STAT3: variants seen among roughly 807,000 people sequenced by gnomAD.
The protein encoded by STAT3 is signal transducer and activator of transcription 3.
Under a neutral mutation model 114.3 loss-of-function variants are expected in STAT3, and 7 were observed. The ratio of observed to expected loss-of-function variants is 0.06; its 90% CI spans 0.03 to 0.11. STAT3 has a LOEUF of 0.11. Ranked by LOEUF, STAT3 falls within the 10% of genes least tolerant of loss-of-function variation. The pLI is 1.00. For missense variants in STAT3, 364 were observed against 960.9 expected, an observed-to-expected ratio of 0.38 and a Z score of 8.21; for synonymous variants, 331 against 354.5, an observed-to-expected ratio of 0.93 and a Z score of 0.74.
chr17:42,351,978 G>A (rs1427418056), intron 1 of STAT3, among the ~76,000 whole-genome samples: 2 of 151,072 alleles, frequency 1.3e-5, no homozygotes, highest in Non-Finnish European at 2.9e-5. Context: ...TGCCTAGGCT[G>A]GTCTTGAACT....
At position 42,315,085 on chromosome 17, in the gene STAT3, C is replaced by T. The variant is rs897680334; in HGVS notation, c.*660G>A. 2 of 187,808 alleles carry T rather than the reference C, an allele frequency of 1.1e-5. No individual in the cohort carries two copies. The highest frequency in any genetic ancestry group is 2.2e-5 in the Non-Finnish European group (2 of 89,244). 11.6% of individuals were successfully genotyped at this position (187,808 alleles called of 1,614,324 possible). On this transcript the variant is annotated 3_prime_UTR_variant, in exon 24 of 24. Coordinates refer to ENST00000264657, the MANE Select transcript of STAT3 (RefSeq NM_139276.3). ...CCGTGTTAGCCAGGATGGTCTTGATCTCCTGACCTTATGATCCGCCTCGGC... is the reference window on the plus strand; with the variant it reads ...CCGTGTTAGCCAGGATGGTCTTGATTTCCTGACCTTATGATCCGCCTCGGC...
In STAT3 at chr17:42,322,269, G is replaced by T; in HGVS notation, c.2101+13C>A. Reference sequence around the variant, plus strand: ...CCAAAAATTAAATGCCAGGAACATGGAAAATCAACAACTACCTGGGTCAGC... The same window carrying T: ...CCAAAAATTAAATGCCAGGAACATGTAAAATCAACAACTACCTGGGTCAGC... On this transcript the variant is annotated intron_variant, in intron 21 of 23. Coordinates refer to ENST00000264657, the MANE Select transcript of STAT3 (RefSeq NM_139276.3). The T allele has an allele frequency of 6.2e-7, 1 of 1,614,140 alleles. No individual in the cohort carries two copies. Among genetic ancestry groups the T allele is most frequent in the Non-Finnish European group, 8.5e-7 (1 of 1,180,006 alleles).
chr17:42,331,317 G>A lies in STAT3; in HGVS notation c.1109+155C>T, dbSNP rs532942865. Among the ~76,000 whole-genome samples, 57 of 152,282 alleles carry A rather than the reference G, an allele frequency of 3.7e-4. 2 individuals are homozygous for A. In the South Asian group the frequency reaches 9.3e-3, roughly 25 times the overall value. On this transcript the variant is annotated intron_variant, in intron 11 of 23. Coordinates refer to ENST00000264657, the MANE Select transcript of STAT3 (RefSeq NM_139276.3). ...CAGCTTTGTGGCTTTGTTCAGACAC[G>A]TAAATGACAATGCACCCCAAGGCTT...
rs748853959 is a variant in STAT3 at position 42,337,282 on chromosome 17, G to A, written c.797+153C>T. Among the ~76,000 whole-genome samples the A allele has an allele frequency of 5.3e-5, 8 of 152,084 alleles. No homozygotes were observed. Among genetic ancestry groups the A allele is most frequent in the Admixed American group, 1.3e-4 (2 of 15,242 alleles). Reference sequence around the variant, plus strand: ...CAGGTGTGAGCCACAGCGCCTGGCCGAAATAAAGTAAAAACTTTAATTCTT... The same window carrying A: ...CAGGTGTGAGCCACAGCGCCTGGCCAAAATAAAGTAAAAACTTTAATTCTT... On this transcript the variant is annotated intron_variant, in intron 8 of 23. Coordinates refer to ENST00000264657, the MANE Select transcript of STAT3 (RefSeq NM_139276.3). The surrounding 1 kb of genome is among the most constrained non-coding windows in gnomAD (Gnocchi z 4.0).
chr17:42,323,657 T>G, intron 17 of STAT3, 32 bp from the exon 18 acceptor site: 1 of 1,609,378 alleles, frequency 6.2e-7, no homozygotes, highest in East Asian at 2.2e-5. Flanking sequence ...AAGTAGTACA[T>G]TTTCAGCTTG....
At chr17:42,341,048 A>G (rs769623123) in intron 4 of STAT3, among the ~76,000 whole-genome samples, 4 of 152,124 alleles carry the variant, frequency 2.6e-5, no homozygotes, top group African/African-American at 9.7e-5. Context: ...GAAAGCCCCT[A>G]TGGTTACCAG....
chr17:42,320,217 G>T (rs1274491647), intron 21 of STAT3, among the ~76,000 whole-genome samples: 1 of 152,158 alleles, frequency 6.6e-6, no homozygotes, highest in Non-Finnish European at 1.5e-5. Context: ...GCAGGAACAA[G>T]ACTCAGGACC....
At chr17:42,319,763 G>A (rs926465121) in intron 21 of STAT3, among the ~76,000 whole-genome samples, 2 of 152,036 alleles carry the variant, frequency 1.3e-5, no homozygotes, top group Admixed American at 1.3e-4. Flanking sequence ...TCTTGTGATG[G>A]AAATAGAGAG....
At chr17:42,387,427 A>T (rs147824254) in intron 1 of STAT3, 17 of 152,282 alleles carry the variant, frequency 1.1e-4, no homozygotes, top group African/African-American at 4.1e-4. Context: ...CCCACTCTCA[A>T]TTGGTTCATT....
intron 1 of STAT3, among the ~76,000 whole-genome samples, chr17:42,353,272 C>T (rs1240933584): frequency 4.0e-5 from 6 of 149,830 alleles, no homozygotes; most frequent in Non-Finnish European, 7.4e-5. Context: ...TGCTTGAACC[C>T]GGGAGGCGGA....
intron 1 of STAT3, among the ~76,000 whole-genome samples, chr17:42,365,656 T>G (rs1009842067): frequency 3.2e-4 from 49 of 150,878 alleles, no homozygotes; most frequent in African/African-American, 7.8e-4. Flanking sequence ...TTTTTTGTTT[T>G]TTTTTGTTTT....
At chr17:42,358,124 A>G (rs1001013968) in intron 1 of STAT3, among the ~76,000 whole-genome samples, 1 of 152,196 alleles carries the variant, frequency 6.6e-6, no homozygotes, top group Non-Finnish European at 1.5e-5. Flanking sequence ...TATATGAAAG[A>G]AGTAAAGGCC....
chr17:42,369,089 C>T (rs114859760), intron 1 of STAT3, among the ~76,000 whole-genome samples: 33 of 152,230 alleles, frequency 2.2e-4, no homozygotes, highest in Middle Eastern at 3.4e-3. Flanking sequence ...CAGCCGAGCA[C>T]GGTGGCTCAC....
At position 42,388,429 on chromosome 17, in the gene STAT3, C is replaced by A; in HGVS notation, c.-174G>T. 8.1e-7 allele frequency: 1 copy of A among 1,231,884 alleles called. No homozygotes were observed. The highest frequency in any genetic ancestry group is 1.0e-6 in the Non-Finnish European group (1 of 988,072). The allele number at this position is 1,231,884 out of a possible 1,614,324, so 76.3% of individuals were successfully genotyped here. A position where few individuals can be genotyped will look rare whatever the true frequency, so the allele number is the denominator to read the frequency against. On this transcript the variant is annotated 5_prime_UTR_variant, in exon 1 of 24. Coordinates refer to ENST00000264657, the MANE Select transcript of STAT3 (RefSeq NM_139276.3). ...GTCCAGGATCCGGTTGGGGCTTGTT[C>A]CCTCGGCTGCGACGTCGGAACCCCC...
rs2082093044 is a variant in STAT3, at chr17:42,333,134, A to G, written c.1049+539T>C. Among the ~76,000 whole-genome samples, 1 of 152,212 alleles carries G rather than the reference A, an allele frequency of 6.6e-6. No homozygotes were observed. The highest frequency in any genetic ancestry group is 2.1e-4 in the South Asian group (1 of 4,834). ...ATATAATGAAAAATATTACAGGAACACATGCTGTGCAGCTGGCATTTTGTT... is the reference window on the plus strand; with the variant it reads ...ATATAATGAAAAATATTACAGGAACGCATGCTGTGCAGCTGGCATTTTGTT... On this transcript the variant is annotated intron_variant, in intron 10 of 23. Coordinates refer to ENST00000264657, the MANE Select transcript of STAT3 (RefSeq NM_139276.3). This position sits in a 1 kb window ranked among gnomAD's most constrained non-coding sequence, Gnocchi z 5.2.
chr17:42,327,459 A>G (rs1408837490), intron 14 of STAT3, among the ~76,000 whole-genome samples: 1 of 152,214 alleles, frequency 6.6e-6, no homozygotes. Context: ...TCCTTTTCAC[A>G]GCTGCGGAGT....
At chr17:42,345,452 A>G in intron 4 of STAT3, 107 bp downstream of exon 4, 1 of 960,438 alleles carries the variant, frequency 1.0e-6, no homozygotes, top group Non-Finnish European at 1.6e-6. Flanking sequence ...TGATCTATTT[A>G]ATTTCTTTTC....
intron 5 of STAT3, 61 bp from the exon 6 acceptor site, chr17:42,338,873 A>C (rs2082325262): frequency 4.1e-6 from 6 of 1,450,556 alleles, no homozygotes; most frequent in Non-Finnish European, 4.8e-6. Flanking sequence ...GGAACAGAAA[A>C]TATAAAGTTT....
At chr17:42,336,631 CTGTATAAATTTCTATCT>C (rs1171588736) in intron 8 of STAT3, among the ~76,000 whole-genome samples, 1 of 152,002 alleles carries the variant, frequency 6.6e-6, no homozygotes, top group Non-Finnish European at 1.5e-5. Flanking sequence ...CTAATATAAA[CTGTATAAATTTCTATCT>C]TTATGTGTAT....
Sources: gnomAD v4.1 joint callset for allele counts (sites outside exome capture counted in the v4.1 genomes callset) on GRCh38, gnomAD v4.1.1 for gene constraint, Gnocchi (gnomAD v3.1) non-coding constraint, MANE v1.5 for transcripts, NCBI Gene and HGNC (gene_info 2026-07-23, HGNC 2026-07-21) for gene names.